Variants in COL15A1 observed in about 807,000 individuals in gnomAD.
COL15A1 encodes collagen alpha-1(XV) chain.
Under a neutral mutation model 165.9 loss-of-function variants are expected in COL15A1, and 111 were observed. The ratio of observed to expected loss-of-function variants is 0.67; its 90% CI spans 0.57 to 0.78. COL15A1 has a LOEUF of 0.78. COL15A1 is among the 30% of genes least tolerant of loss of function. The probability of loss-of-function intolerance (pLI) is 0.00; values close to 1 mark genes in which losing one functional copy is unlikely to be tolerated. For missense variants in COL15A1, 1,745 were observed against 1,789.7 expected, an observed-to-expected ratio of 0.98 and a Z score of 0.45; for synonymous variants, 659 against 674.8, an observed-to-expected ratio of 0.98 and a Z score of 0.36.
chr9:99,020,345 C>G, intron 11 of COL15A1, 44 bp from the exon 12 acceptor site: 1 of 1,490,534 alleles, frequency 6.7e-7, no homozygotes, highest in Non-Finnish European at 9.4e-7. Flanking sequence ...CCCCATGTCC[C>G]AAATATGTTG....
At chr9:99,061,904 C>A (rs1376174170) in intron 36 of COL15A1, 67 bp from the exon 37 acceptor site, 1 of 1,547,312 alleles carries the variant, frequency 6.5e-7, no homozygotes, top group Non-Finnish European at 8.7e-7. Context: ...ACAGAGAGGC[C>A]AGGTTATCAG....
intron 5 of COL15A1, among the ~76,000 whole-genome samples, chr9:98,995,226 C>G (rs902362798): frequency 3.3e-5 from 5 of 152,080 alleles, no homozygotes; most frequent in Non-Finnish European, 5.9e-5. Flanking sequence ...GAACATCCAT[C>G]TGGGTGAAAT....
At chr9:98,990,634 G>C (rs531734199) in intron 5 of COL15A1, among the ~76,000 whole-genome samples, 1 of 152,356 alleles carries the variant, frequency 6.6e-6, no homozygotes, top group Admixed American at 6.5e-5. Context: ...CTTAGAGAGG[G>C]ACAGGAAAGG....
chr9:99,000,344 G>A (rs80318083), intron 6 of COL15A1, among the ~76,000 whole-genome samples: 2 of 149,714 alleles, frequency 1.3e-5, no homozygotes, highest in East Asian at 1.9e-4. Flanking sequence ...ATACATATAT[G>A]TATATATTAT....
intron 11 of COL15A1, among the ~76,000 whole-genome samples, chr9:99,016,892 C>T (rs1017833276): frequency 7.2e-5 from 11 of 152,214 alleles, no homozygotes; most frequent in South Asian, 2.1e-4. Flanking sequence ...GGCCACGGTG[C>T]GGCAGGACTG....
chr9:98,974,413 G>T (rs1164379647), intron 2 of COL15A1, among the ~76,000 whole-genome samples: 2 of 152,172 alleles, frequency 1.3e-5, no homozygotes, highest in Admixed American at 6.5e-5. Flanking sequence ...CCACCTCTCT[G>T]TAGGGGTGTC....
chr9:98,987,975 GT>G (rs11313380), intron 4 of COL15A1, among the ~76,000 whole-genome samples: 112,193 of 152,026 alleles, frequency 0.74, 42,734 homozygotes, highest in African/African-American at 0.93. Flanking sequence ...CAAACTCAAC[GT>G]TGTCAGGTGG....
intron 41 of COL15A1, among the ~76,000 whole-genome samples, chr9:99,069,182 C>A (rs1825942802): frequency 6.6e-6 from 1 of 152,204 alleles, no homozygotes; most frequent in Non-Finnish European, 1.5e-5. Context: ...CACACAGCTC[C>A]TACTTTTACA....
intron 2 of COL15A1, among the ~76,000 whole-genome samples, chr9:98,949,262 C>A (rs1256624872): frequency 6.6e-6 from 1 of 152,232 alleles, no homozygotes; most frequent in Non-Finnish European, 1.5e-5. Flanking sequence ...ATTGCATTAG[C>A]ATAGCATATG....
intron 5 of COL15A1, among the ~76,000 whole-genome samples, chr9:98,995,119 G>T (rs1489064130): frequency 6.6e-6 from 1 of 152,166 alleles, no homozygotes; most frequent in East Asian, 1.9e-4. Flanking sequence ...CTTGAGCATT[G>T]GTTCCTGAAC....
rs1052021357 is a variant in COL15A1, at chr9:98,986,168, T to C, written c.648+56T>C. Reference sequence around the variant, plus strand: ...GGGAGGTGGATGAACAGACTCGCCATGCAATAAATGGAGCAACTATTATTG... The same window carrying C: ...GGGAGGTGGATGAACAGACTCGCCACGCAATAAATGGAGCAACTATTATTG... On this transcript the variant is annotated intron_variant, in intron 3 of 41. Transcript: ENST00000375001. 47 of 1,308,058 alleles carry C rather than the reference T, an allele frequency of 3.6e-5. No individual in the cohort carries two copies. The African/African-American group carries it at 5.6e-4, about 16-fold the overall frequency. 81.0% of individuals were successfully genotyped at this position (1,308,058 alleles called of 1,614,324 possible).
intron 9 of COL15A1, among the ~76,000 whole-genome samples, chr9:99,009,448 A>ATGAT (rs1484931169): frequency 6.6e-6 from 1 of 152,240 alleles, no homozygotes; most frequent in Non-Finnish European, 1.5e-5. Context: ...TACTTCCTGT[A>ATGAT]TGATTTTATT....
chr9:99,065,993 A>C (rs1825885696), intron 39 of COL15A1, among the ~76,000 whole-genome samples: 1 of 151,990 alleles, frequency 6.6e-6, no homozygotes, highest in African/African-American at 2.4e-5. Flanking sequence ...CCACCGCCTG[A>C]GCCTCATTTC....
chr9:99,048,049 A>G, intron 28 of COL15A1, 49 bp downstream of exon 28: 1 of 1,017,786 alleles, frequency 9.8e-7, no homozygotes, highest in Non-Finnish European at 1.5e-6. Flanking sequence ...AGAGAGGGTG[A>G]GAGAGTGTGG....
rs911293980 is a variant in COL15A1 at position 99,003,364 on chromosome 9, G to C, written c.1066-89G>C. ...AGAAGCTACAGAAATGCAGGTGGCT[G>C]GAGAAGGCTAGGCAGTCTGTTCTCA... On this transcript the variant is annotated intron_variant, in intron 7 of 41. Coordinates refer to ENST00000375001, the MANE Select transcript of COL15A1 (RefSeq NM_001855.5). The C allele has an allele frequency of 9.6e-6, 10 of 1,039,148 alleles. No individual in the cohort carries two copies. In the African/African-American group the frequency reaches 1.6e-4, roughly 17 times the overall value. 64.4% of individuals were successfully genotyped at this position (1,039,148 alleles called of 1,614,324 possible).
intron 5 of COL15A1, among the ~76,000 whole-genome samples, chr9:98,989,725 TTGCTCAG>T (rs1279407157): frequency 1.3e-5 from 2 of 152,166 alleles, no homozygotes; most frequent in African/African-American, 4.8e-5. Flanking sequence ...CTTGTTATAT[TTGCTCAG>T]TGCTCCAGCT....
chr9:98,951,233 A>G (rs1489852844), intron 2 of COL15A1, among the ~76,000 whole-genome samples: 1 of 152,234 alleles, frequency 6.6e-6, no homozygotes, highest in Non-Finnish European at 1.5e-5. Flanking sequence ...GGACATCTTC[A>G]GACAAATGGC....
intron 6 of COL15A1, among the ~76,000 whole-genome samples, chr9:99,000,122 C>T (rs763999444): frequency 5.9e-5 from 9 of 152,066 alleles, no homozygotes; most frequent in Non-Finnish European, 8.8e-5. Flanking sequence ...CTGCCCACCT[C>T]GGCCTCCCAA....
chr9:99,046,763 A>G (rs757518872), intron 26 of COL15A1, among the ~76,000 whole-genome samples: 10 of 152,216 alleles, frequency 6.6e-5, no homozygotes, highest in Non-Finnish European at 1.5e-4. Flanking sequence ...TGGAATTACA[A>G]TTCAAGAAGA....
Sources: allele counts gnomAD v4.1 joint callset (sites outside exome capture counted in the v4.1 genomes callset), GRCh38; gene constraint gnomAD v4.1.1; transcripts MANE v1.5; gene names NCBI Gene and HGNC (gene_info 2026-07-23, HGNC 2026-07-21).